The following ZNF710 variants were observed in gnomAD, a reference collection of about 807,000 sequenced individuals.
ZNF710 encodes zinc finger protein 710.
A neutral mutation model predicts 50.6 loss-of-function variants in ZNF710; 13 were observed. The observed-to-expected ratio is 0.26, with a 90% CI of 0.17 to 0.41. The LOEUF is 0.41. Among genes scored for constraint, ZNF710 ranks in the 10% least tolerant of loss-of-function variants. ZNF710 has a pLI of 1.00. For missense variants in ZNF710, 721 were observed against 936.6 expected, an observed-to-expected ratio of 0.77 and a Z score of 3.01; for synonymous variants, 383 against 397.0, an observed-to-expected ratio of 0.96 and a Z score of 0.42.
At chr15:90,004,641 C>T (rs981016769) in intron 1 of ZNF710, among the ~76,000 whole-genome samples, 1 of 152,176 alleles carries the variant, frequency 6.6e-6, no homozygotes, top group Admixed American at 6.5e-5. Flanking sequence ...GCTCTGTACC[C>T]AGGATTACAC....
chr15:90,016,932 C>T (rs1302372099), intron 1 of ZNF710, among the ~76,000 whole-genome samples: 1 of 152,242 alleles, frequency 6.6e-6, no homozygotes, highest in East Asian at 1.9e-4. Flanking sequence ...AGGAGGATTA[C>T]GGATTGGCTC....
At chr15:89,998,391 G>A (rs1897960834), upstream of ZNF710, among the ~76,000 whole-genome samples, 1 of 152,188 alleles carries the variant, frequency 6.6e-6, no homozygotes, top group East Asian at 1.9e-4. Context: ...CAACTCTGCT[G>A]ATCAGGCTGG....
intron 1 of ZNF710, among the ~76,000 whole-genome samples, chr15:90,026,777 G>A (rs964604699): frequency 6.6e-6 from 1 of 152,050 alleles, no homozygotes; most frequent in Non-Finnish European, 1.5e-5. Context: ...AAGTAAAACC[G>A]TATTGTTTCC....
chr15:90,011,385 A>G (rs968988297), intron 1 of ZNF710, among the ~76,000 whole-genome samples: 1 of 152,246 alleles, frequency 6.6e-6, no homozygotes, highest in African/African-American at 2.4e-5. Flanking sequence ...TTGGGATTAC[A>G]GGTGTGAGCC....
chr15:90,057,770 G>A (rs1006488825), intron 1 of ZNF710, among the ~76,000 whole-genome samples: 2 of 151,632 alleles, frequency 1.3e-5, no homozygotes, highest in African/African-American at 4.8e-5. Flanking sequence ...AAAATCCCAT[G>A]TCCAGGCCCT....
rs77676623 is a variant in ZNF710 at position 90,019,261 on chromosome 15, C to T, written c.-29+17647C>T. Among the ~76,000 whole-genome samples the T allele has an allele frequency of 2.4e-3, 359 of 147,856 alleles. 2 individuals are homozygous for T. The highest frequency in any genetic ancestry group is 8.3e-3 in the African/African-American group (328 of 39,728). ...AATTTCCATCAGGTTAAGCAGCCTC[C>T]GTCAAGTCACTTTAAAGGGTTGTAT... On this transcript the variant is annotated intron_variant, in intron 1 of 4. Coordinates refer to ENST00000268154, the MANE Select transcript of ZNF710 (RefSeq NM_198526.4).
At position 90,040,135 on chromosome 15, in the gene ZNF710, C is replaced by T. The variant is rs1899254601; in HGVS notation, c.-28-26975C>T. Among the ~76,000 whole-genome samples, 3 of 152,244 alleles carry T rather than the reference C, an allele frequency of 2.0e-5. No homozygotes were observed. The highest frequency in any genetic ancestry group is 4.4e-5 in the Non-Finnish European group (3 of 68,026). On this transcript the variant is annotated intron_variant, in intron 1 of 4. Transcript: ENST00000268154. The surrounding 1 kb of genome is among the most constrained non-coding windows in gnomAD (Gnocchi z 4.6). ...CACTTTGTGCATGGTGGCCATACTG[C>T]TGGATGACCATGCCAGCTTGGGCTG...
chr15:90,052,830 G>A (rs1596290168), intron 1 of ZNF710, among the ~76,000 whole-genome samples: 1 of 152,360 alleles, frequency 6.6e-6, no homozygotes, highest in African/African-American at 2.4e-5. Context: ...CTACTTGGGA[G>A]GCTGAGGCAG....
intron 1 of ZNF710, among the ~76,000 whole-genome samples, chr15:90,061,078 G>A (rs1249134011): frequency 6.6e-6 from 1 of 152,198 alleles, no homozygotes; most frequent in Non-Finnish European, 1.5e-5. Flanking sequence ...GGTTGGTGAT[G>A]TCCCAAGCCT....
At chr15:90,014,507 T>C (rs778835350) in intron 1 of ZNF710, among the ~76,000 whole-genome samples, 232 of 139,448 alleles carry the variant, frequency 1.7e-3, no homozygotes, top group Admixed American at 4.8e-3. Flanking sequence ...TGAGACCCTA[T>C]CTCTTAAAAA....
intron 1 of ZNF710, among the ~76,000 whole-genome samples, chr15:90,051,096 G>A (rs1342572327): frequency 7.2e-5 from 11 of 152,088 alleles, no homozygotes; most frequent in Middle Eastern, 3.4e-3. Context: ...AAAATTAGCC[G>A]GGTGTGGTGA....
intron 2 of ZNF710, among the ~76,000 whole-genome samples, chr15:90,070,162 C>CT (rs1316703646): frequency 2.6e-5 from 4 of 152,184 alleles, no homozygotes; most frequent in Non-Finnish European, 4.4e-5. Flanking sequence ...GCAGAGGCTC[C>CT]TGCAGTCAAC....
At chr15:90,078,036 C>T (rs1596067555) in intron 4 of ZNF710, among the ~76,000 whole-genome samples, 2 of 151,970 alleles carry the variant, frequency 1.3e-5, no homozygotes, top group Admixed American at 6.6e-5. Flanking sequence ...GGAGAAACCC[C>T]GTCTCTACTA....
chr15:90,058,053 A>G (rs1899879446), intron 1 of ZNF710, among the ~76,000 whole-genome samples: 1 of 152,174 alleles, frequency 6.6e-6, no homozygotes, highest in African/African-American at 2.4e-5. Context: ...CCCTCAGCTT[A>G]TAGAAGCAGA....
At chr15:90,018,349 A>T (rs1166960753) in intron 1 of ZNF710, among the ~76,000 whole-genome samples, 2 of 151,560 alleles carry the variant, frequency 1.3e-5, no homozygotes, top group Non-Finnish European at 2.9e-5. Context: ...TTGTATTTTT[A>T]GTAGAGCCGG....
Position 90,074,177 on chromosome 15 carries a change from G to T in ZNF710, c.1712G>T (p.Gly571Val). The change falls in exon 4 of 5, where the codon GGC becomes GTC. Residue 571 changes from glycine (G) to valine (V), a missense_variant. Gly to Val is a moderately radical substitution (Grantham distance 109). Coordinates refer to ENST00000268154, the MANE Select transcript of ZNF710 (RefSeq NM_198526.4). ...NLLGHMHLHA[G>V]SKPFKCPYCS... is the part of the protein sequence containing the mutation. ...CTGGGCCACATGCACCTGCACGCCGGCAGCAAGCCCTTCAAGTGCCCCTAC... is the reference window on the plus strand; with the variant it reads ...CTGGGCCACATGCACCTGCACGCCGTCAGCAAGCCCTTCAAGTGCCCCTAC... The T allele has an allele frequency of 6.2e-7, 1 of 1,613,096 alleles. No homozygotes were observed. Among genetic ancestry groups the T allele is most frequent in the Non-Finnish European group, 8.5e-7 (1 of 1,179,722 alleles).
At chr15:90,011,355 T>A (rs1218351861) in intron 1 of ZNF710, among the ~76,000 whole-genome samples, 1 of 152,220 alleles carries the variant, frequency 6.6e-6, no homozygotes, top group Non-Finnish European at 1.5e-5. Context: ...CCCATGCTCC[T>A]GCCACGGCCT....
chr15:90,072,746 C>T (rs1285346260), intron 2 of ZNF710, among the ~76,000 whole-genome samples: 1 of 152,114 alleles, frequency 6.6e-6, no homozygotes, highest in African/African-American at 2.4e-5. Flanking sequence ...AATGAATGAG[C>T]ACACATTTGC....
At chr15:90,036,400 C>T (rs557111385) in intron 1 of ZNF710, among the ~76,000 whole-genome samples, 9 of 152,216 alleles carry the variant, frequency 5.9e-5, no homozygotes, top group East Asian at 5.8e-4. Context: ...CTTGGGTTTC[C>T]GAAGCCTCTC....
Sources: allele counts gnomAD v4.1 joint callset (sites outside exome capture counted in the v4.1 genomes callset), GRCh38; gene constraint gnomAD v4.1.1; non-coding constraint Gnocchi (gnomAD v3.1); transcripts MANE v1.5; gene names NCBI Gene and HGNC (gene_info 2026-07-23, HGNC 2026-07-21).